CRB1: variants seen among roughly 807,000 people sequenced by gnomAD.
CRB1 encodes protein crumbs homolog 1.
In CRB1, 83 loss-of-function variants were observed where a neutral mutation model predicts 120.0. That is an observed-to-expected ratio of 0.69 (90% CI 0.58 to 0.83). The LOEUF is 0.83. CRB1 is among the 40% of genes least tolerant of loss of function. The pLI is 0.00. For synonymous variants in CRB1, 625 were observed against 612.5 expected (o/e 1.02, Z -0.30); for missense variants, 1,699 against 1,687.6 (o/e 1.01, Z -0.12).
the CRB1 span, among the ~76,000 whole-genome samples, chr1:197,259,231 A>G: frequency 1.3e-5 from 2 of 152,234 alleles, no homozygotes; most frequent in African/African-American, 2.4e-5. Context: ...ATGCATACGT[A>G]TGTTTATTGC....
intron 1 of CRB1, among the ~76,000 whole-genome samples, chr1:197,312,547 A>T (rs1657596315): frequency 6.6e-6 from 1 of 152,246 alleles, no homozygotes; most frequent in Admixed American, 6.5e-5. Context: ...GCACCACTGC[A>T]CTCCAGCCTG....
the CRB1 span, among the ~76,000 whole-genome samples, chr1:197,255,469 A>G: frequency 6.6e-6 from 1 of 152,004 alleles, no homozygotes; most frequent in Admixed American, 6.6e-5. Context: ...ACTCTAAATT[A>G]TTTGATGTGA....
intron 11 of CRB1, among the ~76,000 whole-genome samples, chr1:197,453,493 T>C (rs1055179231): frequency 1.1e-4 from 16 of 145,844 alleles, no homozygotes; most frequent in African/African-American, 4.0e-4. Context: ...ACTGTGTGTG[T>C]ATATATATGT....
chr1:197,319,992 C>T (rs1352190257), intron 1 of CRB1, among the ~76,000 whole-genome samples: 1 of 152,100 alleles, frequency 6.6e-6, no homozygotes, highest in Non-Finnish European at 1.5e-5. Context: ...TTTGATGAAA[C>T]GCTTAAAATC....
At chr1:197,330,331 G>A (rs1002562691) in intron 2 of CRB1, among the ~76,000 whole-genome samples, 2 of 151,996 alleles carry the variant, frequency 1.3e-5, no homozygotes, top group Non-Finnish European at 1.5e-5. Flanking sequence ...CTACCTTCTC[G>A]AAGTTGTTCT....
At chr1:197,214,006 T>A in the CRB1 span, among the ~76,000 whole-genome samples, 1 of 152,028 alleles carries the variant, frequency 6.6e-6, no homozygotes, top group African/African-American at 2.4e-5. Context: ...TAAGGTTAGT[T>A]TGGGCTAGCA....
rs141168913 is a variant in CRB1 at position 197,373,509 on chromosome 1, A to G, written c.1171+16496A>G. Among the ~76,000 whole-genome samples the G allele has an allele frequency of 7.2e-4, 110 of 152,304 alleles. No individual in the cohort carries two copies. In the East Asian group the frequency reaches 0.02, roughly 28 times the overall value. On this transcript the variant is annotated intron_variant, in intron 5 of 11. Coordinates refer to ENST00000367400, the MANE Select transcript of CRB1 (RefSeq NM_201253.3). ...GGTCAAGGCATAATCATGAATTTTC[A>G]AAATAAGTTTACATAATTTTTCTAC...
At chr1:197,338,341 A>G (rs1659270659) in intron 2 of CRB1, among the ~76,000 whole-genome samples, 1 of 152,170 alleles carries the variant, frequency 6.6e-6, no homozygotes, top group Non-Finnish European at 1.5e-5. Context: ...AATGGCATAC[A>G]GATGGATTTA....
At chr1:197,365,972 C>G (rs1259736700) in intron 5 of CRB1, among the ~76,000 whole-genome samples, 2 of 152,076 alleles carry the variant, frequency 1.3e-5, no homozygotes, top group African/African-American at 4.8e-5. Context: ...GAAGTCTATG[C>G]TCTCTTGTCC....
chr1:197,461,389 G>A (rs1666523554), intron 11 of CRB1, among the ~76,000 whole-genome samples: 1 of 152,090 alleles, frequency 6.6e-6, no homozygotes, highest in Non-Finnish European at 1.5e-5. Context: ...CTCTGATGGA[G>A]AAAATGCACA....
intron 11 of CRB1, 199 bp from the exon 12 acceptor site, chr1:197,477,465 T>C (rs949520375): frequency 7.3e-6 from 5 of 684,902 alleles, no homozygotes; most frequent in East Asian, 2.9e-5. Flanking sequence ...CTGTAGACTT[T>C]AGATTCTAGA....
intron 1 of CRB1, among the ~76,000 whole-genome samples, chr1:197,326,648 A>AATC: frequency 6.6e-6 from 1 of 151,980 alleles, no homozygotes. Flanking sequence ...TAATAATAAT[A>AATC]ATAAATAATT....
the CRB1 span, among the ~76,000 whole-genome samples, chr1:197,241,066 A>G: frequency 6.6e-6 from 1 of 152,026 alleles, no homozygotes; most frequent in Admixed American, 6.6e-5. Context: ...TTTCTTGTAA[A>G]TTTGTTTAAG....
the CRB1 span, among the ~76,000 whole-genome samples, chr1:197,232,947 C>A: frequency 6.6e-6 from 1 of 151,952 alleles, no homozygotes; most frequent in East Asian, 1.9e-4. Context: ...ATACTGCTCA[C>A]AGGGTCCACT....
chr1:197,242,101 G>A, the CRB1 span, among the ~76,000 whole-genome samples: 1 of 152,046 alleles, frequency 6.6e-6, no homozygotes, highest in Non-Finnish European at 1.5e-5. Flanking sequence ...TGAGATGATG[G>A]GGTTTTCTAA....
chr1:197,206,413 A>G, the CRB1 span, among the ~76,000 whole-genome samples: 1 of 152,270 alleles, frequency 6.6e-6, no homozygotes, highest in Non-Finnish European at 1.5e-5. Context: ...TCCTTTTAGC[A>G]CTGCTTTTGC....
At chr1:197,250,945 G>T in the CRB1 span, among the ~76,000 whole-genome samples, 16 of 152,118 alleles carry the variant, frequency 1.1e-4, no homozygotes, top group Admixed American at 2.0e-4. Flanking sequence ...ATTTCCATTT[G>T]TCTTCCATTC....
chr1:197,415,184 G>T (rs1323038552), intron 5 of CRB1, among the ~76,000 whole-genome samples: 1 of 152,174 alleles, frequency 6.6e-6, no homozygotes, highest in African/African-American at 2.4e-5. Context: ...GCCCACAAAG[G>T]ATAAATGAGA....
chr1:197,302,576 G>A (rs1360938886), intron 1 of CRB1, among the ~76,000 whole-genome samples: 1 of 152,158 alleles, frequency 6.6e-6, no homozygotes, highest in African/African-American at 2.4e-5. Context: ...GGAAGGCAAA[G>A]CCTGCAATGG....
Sources: allele counts gnomAD v4.1 joint callset (sites outside exome capture counted in the v4.1 genomes callset), GRCh38; gene constraint gnomAD v4.1.1; transcripts MANE v1.5; gene names NCBI Gene and HGNC (gene_info 2026-07-23, HGNC 2026-07-21).